Variants in CTSS observed in about 807,000 individuals in gnomAD.
CTSS encodes cathepsin S.
A neutral mutation model predicts 39.9 loss-of-function variants in CTSS; 15 were observed. That is an observed-to-expected ratio of 0.38 (90% CI 0.25 to 0.58). The LOEUF is 0.58. CTSS is among the 20% of genes least tolerant of loss of function. CTSS has a pLI of 0.70. For missense variants in CTSS, 250 were observed against 398.2 expected (o/e 0.63, Z 3.17); for synonymous variants, 126 against 138.2 (o/e 0.91, Z 0.62).
At chr1:150,763,018 C>T (rs1387086882) in intron 2 of CTSS, among the ~76,000 whole-genome samples, 2 of 151,642 alleles carry the variant, frequency 1.3e-5, no homozygotes, top group Admixed American at 1.3e-4. Flanking sequence ...ACGGAATCAA[C>T]CTTATAAAGT....
chr1:150,755,628 T>C (rs930373665), intron 3 of CTSS, among the ~76,000 whole-genome samples: 2 of 151,824 alleles, frequency 1.3e-5, no homozygotes, highest in African/African-American at 4.8e-5. Flanking sequence ...TAATCCCAGC[T>C]ATTTGGGAGG....
intron 7 of CTSS, among the ~76,000 whole-genome samples, chr1:150,741,150 T>A (rs947612190): frequency 1.4e-4 from 22 of 152,072 alleles, no homozygotes; most frequent in Non-Finnish European, 1.8e-4. Context: ...TACAGGCACA[T>A]GCCACCATGC....
At chr1:150,753,396 A>C (rs748587855) in intron 4 of CTSS, among the ~76,000 whole-genome samples, 1 of 152,258 alleles carries the variant, frequency 6.6e-6, no homozygotes, top group Admixed American at 6.5e-5. Context: ...AAGACTAGCC[A>C]TGAATTAACT....
chr1:150,734,338 T>G (rs189982179), intron 7 of CTSS, among the ~76,000 whole-genome samples: 9 of 152,086 alleles, frequency 5.9e-5, no homozygotes, highest in Non-Finnish European at 1.3e-4. Flanking sequence ...TATGGTCATC[T>G]TTTTTAAAAA....
chr1:150,751,539 C>G (rs754238897), intron 5 of CTSS, among the ~76,000 whole-genome samples: 1 of 152,160 alleles, frequency 6.6e-6, no homozygotes, highest in African/African-American at 2.4e-5. Context: ...TGAGCCACTA[C>G]GCCCAGTCAT....
At chr1:150,764,870 G>A in intron 1 of CTSS, 106 bp from the exon 2 acceptor site, 2 of 1,332,908 alleles carry the variant, frequency 1.5e-6, no homozygotes, top group Non-Finnish European at 2.1e-6. Flanking sequence ...CAAAGGGACA[G>A]ACTATTATAA....
chr1:150,740,121 G>A (rs139706351), intron 7 of CTSS, among the ~76,000 whole-genome samples: 1 of 152,276 alleles, frequency 6.6e-6, no homozygotes, highest in African/African-American at 2.4e-5. Context: ...TCCAAATGAA[G>A]ATGCAAAAAT....
rs931143930 is a variant in CTSS, at chr1:150,732,491, A to G, written c.*555T>C. On this transcript the variant is annotated 3_prime_UTR_variant, in exon 8 of 8. Transcript: ENST00000368985. ...ATACAATAAAACAATAAGCAATTACAGATTGTTTTAGGTTGAACAATTTTT... is the reference window on the plus strand; with the variant it reads ...ATACAATAAAACAATAAGCAATTACGGATTGTTTTAGGTTGAACAATTTTT... The G allele has an allele frequency of 4.6e-5, 7 of 152,228 alleles. No individual in the cohort carries two copies. The highest frequency in any genetic ancestry group is 8.8e-5 in the Non-Finnish European group (6 of 68,056). The allele number at this position is 152,228 out of a possible 1,614,324, so 9.4% of individuals were successfully genotyped here.
Position 150,757,922 on chromosome 1 carries a change from T to C in CTSS, c.185A>G (p.His62Arg). ...CATTCCCATTGAATGCTCCAGGTTGTGAAGCATCACAAACTTTAGATTCTT... is the reference window on the plus strand; with the variant it reads ...CATTCCCATTGAATGCTCCAGGTTGCGAAGCATCACAAACTTTAGATTCTT... ...WEKNLKFVML[H>R]NLEHSMGMHS... The change falls in exon 3 of 8, where the codon CAC (histidine) becomes CGC (arginine). Residue 62 changes from histidine (H) to arginine (R), a missense_variant. By Grantham distance (29) the His-to-Arg change is conservative (BLOSUM62 0). Coordinates refer to ENST00000368985, the MANE Select transcript of CTSS (RefSeq NM_004079.5). 6.2e-7 allele frequency: 1 copy of C among 1,614,058 alleles called. No homozygotes were observed. Among genetic ancestry groups the C allele is most frequent in the Non-Finnish European group, 8.5e-7 (1 of 1,179,966 alleles).
chr1:150,744,997 T>G (rs1010117952), intron 7 of CTSS, among the ~76,000 whole-genome samples: 3 of 152,018 alleles, frequency 2.0e-5, no homozygotes, highest in African/African-American at 7.3e-5. Flanking sequence ...TAGTTTCATT[T>G]TAAAAAGCTA....
chr1:150,733,698 T>G (rs1652573216), intron 7 of CTSS, among the ~76,000 whole-genome samples: 1 of 151,880 alleles, frequency 6.6e-6, no homozygotes. Flanking sequence ...GCATGGTGGC[T>G]CACACTTGTA....
chr1:150,734,028 ATCTTT>A (rs1419705389), intron 7 of CTSS, among the ~76,000 whole-genome samples: 2 of 150,396 alleles, frequency 1.3e-5, no homozygotes, highest in Non-Finnish European at 3.0e-5. Context: ...ATGTATGGAC[ATCTTT>A]TTTTTTTTTT....
At chr1:150,741,313 A>C (rs1652751919) in intron 7 of CTSS, among the ~76,000 whole-genome samples, 1 of 152,226 alleles carries the variant, frequency 6.6e-6, no homozygotes, top group Admixed American at 6.5e-5. Context: ...TTTATACTAC[A>C]TATAAATTTT....
chr1:150,739,550 C>T (rs587770765), intron 7 of CTSS, among the ~76,000 whole-genome samples: 3 of 152,146 alleles, frequency 2.0e-5, no homozygotes, highest in South Asian at 2.1e-4. Context: ...AGAAATTACC[C>T]GTGCCTGGTG....
At chr1:150,736,853 G>A (rs1427051724) in intron 7 of CTSS, among the ~76,000 whole-genome samples, 2 of 151,824 alleles carry the variant, frequency 1.3e-5, no homozygotes, top group African/African-American at 2.4e-5. Flanking sequence ...TGCTCCAAAT[G>A]TTCATTTCGG....
At chr1:150,753,014 C>A (rs1293170094) in intron 4 of CTSS, among the ~76,000 whole-genome samples, 2 of 151,832 alleles carry the variant, frequency 1.3e-5, no homozygotes, top group Non-Finnish European at 2.9e-5. Flanking sequence ...CCATGCCTGG[C>A]TAATTTTTAT....
chr1:150,746,933 C>T (rs1339824102), intron 7 of CTSS, among the ~76,000 whole-genome samples: 2 of 151,952 alleles, frequency 1.3e-5, no homozygotes, highest in African/African-American at 2.4e-5. Flanking sequence ...AGCCCAGACT[C>T]GTTCATATTT....
At chr1:150,761,178 CAAAAAAA>C (rs33945837) in intron 2 of CTSS, among the ~76,000 whole-genome samples, 5 of 102,512 alleles carry the variant, frequency 4.9e-5, no homozygotes, top group Admixed American at 4.1e-4. Flanking sequence ...GAATCCGCCT[CAAAAAAA>C]AAAAAAAAAA....
At chr1:150,764,905 G>A in intron 1 of CTSS, 141 bp from the exon 2 acceptor site, 1 of 913,498 alleles carries the variant, frequency 1.1e-6, no homozygotes, top group Non-Finnish European at 1.6e-6. Flanking sequence ...GAAAATTCCT[G>A]GGATATATAG....
Sources: gnomAD v4.1 joint callset for allele counts (sites outside exome capture counted in the v4.1 genomes callset) on GRCh38, gnomAD v4.1.1 for gene constraint, MANE v1.5 for transcripts, NCBI Gene and HGNC (gene_info 2026-07-23, HGNC 2026-07-21) for gene names.